NUBPL: variants seen among roughly 807,000 people sequenced by gnomAD.
NUBPL encodes NUBP iron-sulfur cluster assembly factor, mitochondrial.
In NUBPL, 31 loss-of-function variants were observed where a neutral mutation model predicts 45.7. That is an observed-to-expected ratio of 0.68 (90% CI 0.51 to 0.92). The LOEUF is 0.92. Among genes scored for constraint, NUBPL ranks in the 40% least tolerant of loss-of-function variants. The probability of loss-of-function intolerance (pLI) is 0.00; values close to 1 mark genes in which losing one functional copy is unlikely to be tolerated. For missense variants in NUBPL, 401 were observed against 398.7 expected (o/e 1.01, Z -0.05); for synonymous variants, 144 against 140.9 (o/e 1.02, Z -0.15).
At chr14:31,687,098 G>A (rs928213390) in intron 6 of NUBPL, among the ~76,000 whole-genome samples, 1 of 152,146 alleles carries the variant, frequency 6.6e-6, no homozygotes, top group Non-Finnish European at 1.5e-5. Flanking sequence ...GGGCAACAGA[G>A]TGAGACCCTG....
Position 31,565,200 on chromosome 14 carries a change from A to G in NUBPL, c.291+152A>G, listed in dbSNP as rs1043382747. 4 of 509,256 alleles carry G rather than the reference A, an allele frequency of 7.9e-6. No homozygotes were observed. The East Asian group carries it at 9.4e-5, about 12-fold the overall frequency. The allele number at this position is 509,256 out of a possible 1,614,324, so 31.5% of individuals were successfully genotyped here. On this transcript the variant is annotated intron_variant, in intron 3 of 10. Coordinates refer to ENST00000281081, the MANE Select transcript of NUBPL (RefSeq NM_025152.3). ...TAAGGAACTCAATGCTGCCATCACTACTGGTTACATTTAATAATAATAATG... is the reference window on the plus strand; with the variant it reads ...TAAGGAACTCAATGCTGCCATCACTGCTGGTTACATTTAATAATAATAATG...
intron 6 of NUBPL, among the ~76,000 whole-genome samples, chr14:31,697,480 G>A (rs1566507183): frequency 6.6e-6 from 1 of 152,198 alleles, no homozygotes; most frequent in Non-Finnish European, 1.5e-5. Context: ...ACTTCCAGAA[G>A]CATGCCTTTT....
At chr14:31,675,865 T>C (rs2036682718) in intron 6 of NUBPL, among the ~76,000 whole-genome samples, 1 of 152,228 alleles carries the variant, frequency 6.6e-6, no homozygotes, top group Non-Finnish European at 1.5e-5. Flanking sequence ...TATGTAATCA[T>C]AACCCAATCA....
intron 4 of NUBPL, among the ~76,000 whole-genome samples, chr14:31,666,129 A>G (rs745616736): frequency 6.8e-6 from 1 of 147,766 alleles, no homozygotes; most frequent in African/African-American, 2.5e-5. Flanking sequence ...TTTGCATGAG[A>G]TGGGTCTCCT....
chr14:31,815,991 A>G (rs542982968), intron 7 of NUBPL, among the ~76,000 whole-genome samples: 2 of 152,126 alleles, frequency 1.3e-5, no homozygotes, highest in South Asian at 2.1e-4. Context: ...TGGGCCTGAA[A>G]TTTTCTTTTT....
At chr14:31,592,536 T>C (rs1235924195) in intron 3 of NUBPL, among the ~76,000 whole-genome samples, 1 of 152,154 alleles carries the variant, frequency 6.6e-6, no homozygotes, top group Non-Finnish European at 1.5e-5. Context: ...AAACAATGAA[T>C]AATTTTTTAA....
intron 6 of NUBPL, among the ~76,000 whole-genome samples, chr14:31,712,179 T>C (rs565347731): frequency 6.6e-6 from 1 of 152,266 alleles, no homozygotes; most frequent in East Asian, 1.9e-4. Context: ...AGCTGATTGG[T>C]CCGTTTTGAC....
chr14:31,597,463 T>A (rs1057306174), intron 3 of NUBPL, among the ~76,000 whole-genome samples: 2 of 152,178 alleles, frequency 1.3e-5, no homozygotes, highest in African/African-American at 2.4e-5. Flanking sequence ...AGATGATAGA[T>A]CTTTCCTAGC....
chr14:31,754,296 G>C (rs1373369879), intron 6 of NUBPL, among the ~76,000 whole-genome samples: 1 of 152,142 alleles, frequency 6.6e-6, no homozygotes, highest in African/African-American at 2.4e-5. Flanking sequence ...ATCACACACA[G>C]AGAGAAAATA....
intron 6 of NUBPL, among the ~76,000 whole-genome samples, chr14:31,677,354 C>A (rs1188973767): frequency 6.6e-6 from 1 of 152,174 alleles, no homozygotes; most frequent in African/African-American, 2.4e-5. Context: ...TTCACATCCT[C>A]AGGTAACCAT....
chr14:31,658,330 A>G (rs535934398), intron 4 of NUBPL, among the ~76,000 whole-genome samples: 1 of 152,276 alleles, frequency 6.6e-6, no homozygotes, highest in East Asian at 1.9e-4. Context: ...AACTTTGGGC[A>G]GGTTAGTTTA....
intron 4 of NUBPL, among the ~76,000 whole-genome samples, chr14:31,668,887 C>T (rs11624290): frequency 0.063 from 9,638 of 152,212 alleles, 410 homozygotes; most frequent in Non-Finnish European, 0.091. Context: ...CTAACCAGTT[C>T]CGGTGAGATG....
intron 6 of NUBPL, among the ~76,000 whole-genome samples, chr14:31,683,065 G>A (rs2036869629): frequency 7.0e-6 from 1 of 143,602 alleles, no homozygotes; most frequent in African/African-American, 2.6e-5. Context: ...AACTAATAGA[G>A]TGAGAACTCT....
chr14:31,775,456 A>G (rs574712919), intron 6 of NUBPL, among the ~76,000 whole-genome samples: 12 of 152,144 alleles, frequency 7.9e-5, no homozygotes, highest in African/African-American at 2.6e-4. Flanking sequence ...CAAAAAAACA[A>G]AAGTGCCATA....
At chr14:31,833,468 T>C (rs1244549417) in intron 8 of NUBPL, among the ~76,000 whole-genome samples, 4 of 152,216 alleles carry the variant, frequency 2.6e-5, no homozygotes, top group Non-Finnish European at 5.9e-5. Flanking sequence ...TATCTTCATA[T>C]AGATTTATTA....
In NUBPL at chr14:31,562,153, G is replaced by A. The variant is rs1479288480; in HGVS notation, c.194G>A (p.Gly65Asp). 6.2e-7 allele frequency: 1 copy of A among 1,614,046 alleles called. No homozygotes were observed. The highest frequency in any genetic ancestry group is 8.5e-7 in the Non-Finnish European group (1 of 1,179,930). Reference sequence around the variant, plus strand: ...CTTCCAAAGCAGAAACCGATAGAAGGTGTTAAACAAGTTATAGTTGTGGCT... The same window carrying A: ...CTTCCAAAGCAGAAACCGATAGAAGATGTTAAACAAGTTATAGTTGTGGCT... ...RGLPKQKPIE[G>D]VKQVIVVASG... Residue 65 changes from glycine to aspartate, a missense_variant, in exon 2 of 11, where the codon GGT becomes GAT. Physicochemically the swap from Gly to Asp is moderately conservative, Grantham distance 94. Transcript: ENST00000281081.
At chr14:31,699,269 T>C (rs147118358) in intron 6 of NUBPL, among the ~76,000 whole-genome samples, 47 of 152,370 alleles carry the variant, frequency 3.1e-4, no homozygotes, top group African/African-American at 1.1e-3. Context: ...CATCTAAATG[T>C]GGTGTATTAA....
Position 31,754,522 on chromosome 14 carries a change from A to T in NUBPL, c.514-33258A>T, listed in dbSNP as rs189359303. On this transcript the variant is annotated intron_variant, in intron 6 of 10. Transcript: ENST00000281081. ...TTCAACAAATAAATTGTAAGAAAAA[A>T]TTAAAGGAAAGATAATCTATAGATT... 9.9e-5 allele frequency among the ~76,000 whole-genome samples: 15 copies of T among 152,050 alleles called. No individual in the cohort carries two copies. In the East Asian group the frequency reaches 2.5e-3, roughly 25 times the overall value.
intron 6 of NUBPL, among the ~76,000 whole-genome samples, chr14:31,762,689 G>A (rs7158021): frequency 0.55 from 83,479 of 152,040 alleles, 25,123 homozygotes; most frequent in African/African-American, 0.82. Flanking sequence ...CCAGTTTTTG[G>A]GAAATTGTTG....
Sources: allele counts gnomAD v4.1 joint callset (sites outside exome capture counted in the v4.1 genomes callset), GRCh38; gene constraint gnomAD v4.1.1; transcripts MANE v1.5; gene names NCBI Gene and HGNC (gene_info 2026-07-23, HGNC 2026-07-21).